The following CPED1 variants were observed in gnomAD, a reference collection of about 807,000 sequenced individuals.
CPED1 encodes cadherin like and PC-esterase domain containing 1.
In CPED1, 114 loss-of-function variants were observed where a neutral mutation model predicts 128.2. The ratio of observed to expected loss-of-function variants is 0.89; its 90% CI spans 0.76 to 1.04. The LOEUF is 1.04. Ranked by LOEUF, CPED1 falls within the 50% of genes least tolerant of loss-of-function variation. The probability of loss-of-function intolerance (pLI) is 0.00; values close to 1 mark genes in which losing one functional copy is unlikely to be tolerated. For missense variants in CPED1, 1,211 were observed against 1,207.1 expected (o/e 1.00, Z -0.05); for synonymous variants, 462 against 426.7 (o/e 1.08, Z -1.02).
At chr7:121,155,174 T>C (rs930973592) in intron 16 of CPED1, among the ~76,000 whole-genome samples, 7 of 152,210 alleles carry the variant, frequency 4.6e-5, no homozygotes, top group Non-Finnish European at 8.8e-5. Flanking sequence ...AAATGAAAGA[T>C]TTGTACAAGG....
chr7:121,050,459 G>GGTT (rs1221262704), intron 4 of CPED1: 1 of 74,272 alleles, frequency 1.3e-5, no homozygotes, highest in Non-Finnish European at 2.6e-5. Context: ...GGGCAATATA[G>GGTT]GTTTTTTTTT....
intron 16 of CPED1, among the ~76,000 whole-genome samples, chr7:121,232,565 G>A (rs931495062): frequency 5.3e-5 from 8 of 152,062 alleles, no homozygotes; most frequent in Admixed American, 2.6e-4. Context: ...TACTTCAGGT[G>A]GGCTAAGAGT....
At chr7:121,233,739 T>C (rs1322491503) in intron 16 of CPED1, among the ~76,000 whole-genome samples, 8 of 152,064 alleles carry the variant, frequency 5.3e-5, no homozygotes, top group African/African-American at 1.9e-4. Flanking sequence ...AAAAGATTCA[T>C]GTGGCATTTA....
chr7:121,064,117 G>C (rs1793760321), intron 4 of CPED1, 121 bp from the exon 5 acceptor site: 2 of 613,342 alleles, frequency 3.3e-6, no homozygotes, highest in South Asian at 4.4e-5. Context: ...ATTTGAAGGT[G>C]GGGTGTGGGT....
intron 16 of CPED1, among the ~76,000 whole-genome samples, chr7:121,207,953 C>T (rs570489000): frequency 8.4e-4 from 127 of 152,094 alleles, no homozygotes; most frequent in African/African-American, 3.0e-3. Flanking sequence ...TGTATCCTGG[C>T]TCCTTCCCCA....
chr7:121,233,287 T>C (rs1798177502), intron 16 of CPED1, among the ~76,000 whole-genome samples: 1 of 152,096 alleles, frequency 6.6e-6, no homozygotes, highest in Non-Finnish European at 1.5e-5. Flanking sequence ...TCACTCTAAG[T>C]GTGAAGATTT....
At chr7:121,243,682 T>A (rs1457488903) in intron 17 of CPED1, among the ~76,000 whole-genome samples, 1 of 152,170 alleles carries the variant, frequency 6.6e-6, no homozygotes, top group Admixed American at 6.6e-5. Context: ...AAAAAGGCCA[T>A]CAATCAAATC....
chr7:121,027,502 C>T (rs762749443), intron 3 of CPED1, among the ~76,000 whole-genome samples: 1 of 151,886 alleles, frequency 6.6e-6, no homozygotes, highest in Non-Finnish European at 1.5e-5. Flanking sequence ...TATTCAAGTG[C>T]CATTTTCTTC....
rs763673020 is a variant in CPED1 at position 121,009,071 on chromosome 7, T to C, written c.250-6594T>C. On this transcript the variant is annotated intron_variant, in intron 2 of 22. Coordinates refer to ENST00000310396, the MANE Select transcript of CPED1 (RefSeq NM_024913.5). Reference sequence around the variant, plus strand: ...ATGCTATGCCTCCTGACTTACTGGGTTTATCCTAGTTTATTATAACTAGTT... The same window carrying C: ...ATGCTATGCCTCCTGACTTACTGGGCTTATCCTAGTTTATTATAACTAGTT... Among the ~76,000 whole-genome samples, 148 of 152,204 alleles carry C rather than the reference T, an allele frequency of 9.7e-4. 1 individual carries two copies. The highest frequency in any genetic ancestry group is 5.0e-4 in the Non-Finnish European group (34 of 67,998).
intron 7 of CPED1, among the ~76,000 whole-genome samples, chr7:121,114,821 G>C (rs2116277422): frequency 6.6e-6 from 1 of 152,224 alleles, no homozygotes; most frequent in South Asian, 2.1e-4. Context: ...ATCACTTTTT[G>C]AGTTCTCATA....
chr7:121,117,775 T>G (rs1188225696), intron 7 of CPED1, among the ~76,000 whole-genome samples: 1 of 152,160 alleles, frequency 6.6e-6, no homozygotes, highest in Non-Finnish European at 1.5e-5. Context: ...TCAAACTTTC[T>G]AAAGTTTGAT....
intron 5 of CPED1, among the ~76,000 whole-genome samples, chr7:121,081,251 A>G (rs1024893024): frequency 2.0e-5 from 3 of 152,206 alleles, no homozygotes; most frequent in African/African-American, 4.8e-5. Flanking sequence ...AACGAAGTGC[A>G]ATACATTCGT....
At chr7:121,157,501 G>A (rs1796315201) in intron 16 of CPED1, among the ~76,000 whole-genome samples, 1 of 152,136 alleles carries the variant, frequency 6.6e-6, no homozygotes, top group African/African-American at 2.4e-5. Context: ...TAGCTCTGTG[G>A]CCAGTAGCCA....
At chr7:121,152,090 G>C (rs1796172440) in intron 16 of CPED1, among the ~76,000 whole-genome samples, 1 of 152,080 alleles carries the variant, frequency 6.6e-6, no homozygotes, top group Admixed American at 6.6e-5. Flanking sequence ...TTTATAGGCA[G>C]GACTGATGAG....
At chr7:121,258,489 C>G (rs1791940618) in intron 18 of CPED1, among the ~76,000 whole-genome samples, 1 of 152,084 alleles carries the variant, frequency 6.6e-6, no homozygotes, top group Non-Finnish European at 1.5e-5. Context: ...ATCTATGAGT[C>G]ACATTACTTT....
intron 22 of CPED1, among the ~76,000 whole-genome samples, chr7:121,272,474 A>G (rs1210872360): frequency 6.6e-6 from 1 of 151,938 alleles, no homozygotes; most frequent in Non-Finnish European, 1.5e-5. Context: ...GATGGCGGTA[A>G]TACCTCTCCT....
At chr7:121,062,959 G>A (rs2110278) in intron 4 of CPED1, 119,333 of 152,078 alleles carry the variant, frequency 0.78, 47,160 homozygotes, top group East Asian at 0.91. Context: ...CTGTGAGTCC[G>A]TTAAAGCTCT....
chr7:121,127,832 A>G (rs1584532244), intron 10 of CPED1, among the ~76,000 whole-genome samples: 1 of 152,040 alleles, frequency 6.6e-6, no homozygotes, highest in East Asian at 1.9e-4. Flanking sequence ...GATATTATGA[A>G]TAATATGTAT....
In CPED1 at chr7:121,142,135, T is replaced by C. The variant is rs1795920172; in HGVS notation, c.2049T>C (p.Phe683=). The part of the protein sequence containing the change: ...PLFEAFTACG[F]VQDCGLLIHP... ...TTGAGGCCTTCACAGCATGTGGTTT[T>C]GTGCAGGTAAGTGAAGTTTACATTT... The change falls in exon 16 of 23, where the codon TTT becomes TTC. Residue 683 remains phenylalanine, a synonymous_variant. Coordinates refer to ENST00000310396, the MANE Select transcript of CPED1 (RefSeq NM_024913.5). 3.1e-6 allele frequency: 5 copies of C among 1,604,932 alleles called. No individual in the cohort carries two copies. The highest frequency in any genetic ancestry group is 1.7e-4 in the Middle Eastern group (1 of 6,000).
Sources: allele counts gnomAD v4.1 joint callset (sites outside exome capture counted in the v4.1 genomes callset), GRCh38; gene constraint gnomAD v4.1.1; transcripts MANE v1.5; gene names NCBI Gene and HGNC (gene_info 2026-07-23, HGNC 2026-07-21).